Variants in DSCAML1 observed in about 807,000 individuals in gnomAD.
DSCAML1 encodes DS cell adhesion molecule like 1.
A neutral mutation model predicts 200.5 loss-of-function variants in DSCAML1; 38 were observed. That is an observed-to-expected ratio of 0.19 (90% CI 0.15 to 0.25). The LOEUF (loss-of-function observed/expected upper bound fraction) is 0.25, where lower values mean the gene tolerates loss of function less well. Among genes scored for constraint, DSCAML1 ranks in the 10% least tolerant of loss-of-function variants. DSCAML1 has a pLI of 1.00. For synonymous variants in DSCAML1, 1,215 were observed against 1,165.0 expected (o/e 1.04, Z -0.87); for missense variants, 2,223 against 2,858.8 (o/e 0.78, Z 5.07).
rs116733493 is a variant in DSCAML1 at position 117,715,596 on chromosome 11, C to T, written c.511+61195G>A. The stretch of plus-strand genomic sequence containing the variant: ...GGTGATGCCGATTTTGTCTTGTGAA[C>T]GTTTGAATCCCCTGTGCCTGGCACA... On this transcript the variant is annotated intron_variant, in intron 3 of 32. Transcript: ENST00000651296. 2.3e-3 allele frequency among the ~76,000 whole-genome samples: 345 copies of T among 152,282 alleles called. 2 individuals carry two copies. The highest frequency in any genetic ancestry group is 8.1e-3 in the African/African-American group (338 of 41,558).
Position 117,428,140 on chromosome 11 carries a change from G to A in DSCAML1, c.*188C>T, listed in dbSNP as rs2047696649. 2 of 530,732 alleles carry A rather than the reference G, an allele frequency of 3.8e-6. No homozygotes were observed. The highest frequency in any genetic ancestry group is 6.9e-5 in the East Asian group (2 of 29,128). The allele number at this position is 530,732 out of a possible 1,614,324, so 32.9% of individuals were successfully genotyped here. On this transcript the variant is annotated 3_prime_UTR_variant, in exon 33 of 33. Transcript: ENST00000651296. ...ATTCTTTGTGCCCTGGCTTCATGGA[G>A]AAGAAGAAAATAGTTTCATTTGTAC...
intron 3 of DSCAML1, among the ~76,000 whole-genome samples, chr11:117,570,036 C>T (rs774059056): frequency 1.3e-5 from 2 of 151,920 alleles, no homozygotes; most frequent in Non-Finnish European, 2.9e-5. Context: ...ACATGTTTGC[C>T]AGGCAAAGAA....
rs993183332 is a variant in DSCAML1, at chr11:117,469,178, G to A, written c.3024+732C>T. 2.6e-5 allele frequency among the ~76,000 whole-genome samples: 4 copies of A among 152,168 alleles called. No individual in the cohort carries two copies. The highest frequency in any genetic ancestry group is 1.3e-4 in the Admixed American group (2 of 15,276). On this transcript the variant is annotated intron_variant, in intron 16 of 32. Transcript: ENST00000651296. The surrounding 1 kb of genome is among the most constrained non-coding windows in gnomAD (Gnocchi z 4.1). The stretch of plus-strand genomic sequence containing the variant: ...GAAGGGGATAAAAGTGCCTTCTCTC[G>A]CTGCTCCCCAGGAATGAGGAGAGGG...
At position 117,465,156 on chromosome 11, in the gene DSCAML1, A is replaced by G. The variant is rs764866776; in HGVS notation, c.3051T>C (p.Gly1017=). 1 of 1,613,304 alleles carries G rather than the reference A, an allele frequency of 6.2e-7. No individual in the cohort carries two copies. Among genetic ancestry groups the G allele is most frequent in the East Asian group, 2.2e-5 (1 of 44,848 alleles). The change falls in exon 17 of 33, where the codon GGT becomes GGC. Residue 1017 remains glycine (G), a synonymous_variant. Transcript: ENST00000651296. The stretch of plus-strand genomic sequence containing the variant: ...AGCCAATCTGGTAGCCCCGGATGAC[A>G]CCGTTCTGCAGCTCCTTCTTGGGTG... ...WKAPKKELQN[G]VIRGYQIGYR... is the part of the protein sequence containing the mutation.
intron 8 of DSCAML1, among the ~76,000 whole-genome samples, chr11:117,507,556 A>AT (rs2049526040): frequency 6.6e-6 from 1 of 152,086 alleles, no homozygotes; most frequent in Non-Finnish European, 1.5e-5. Context: ...TTTAGGAGGG[A>AT]TGTGGCCTCT....
intron 3 of DSCAML1, among the ~76,000 whole-genome samples, chr11:117,728,317 CTAACATCATATG>C (rs1555202945): frequency 6.6e-6 from 1 of 152,148 alleles, no homozygotes; most frequent in Non-Finnish European, 1.5e-5. Context: ...AAACCTCTAG[CTAACATCATATG>C]TAATGATGAA....
At chr11:117,650,698 TGTGC>T (rs1200976692) in intron 3 of DSCAML1, among the ~76,000 whole-genome samples, 2 of 106,440 alleles carry the variant, frequency 1.9e-5, no homozygotes, top group African/African-American at 6.0e-5. Flanking sequence ...TGTGTGTGTG[TGTGC>T]GTGTGTGTGT....
chr11:117,552,277 C>T (rs2050482253), intron 3 of DSCAML1, among the ~76,000 whole-genome samples: 1 of 152,002 alleles, frequency 6.6e-6, no homozygotes, highest in Admixed American at 6.5e-5. Flanking sequence ...GGTGCCTTGA[C>T]TCTCCTGCTT....
chr11:117,605,209 A>G (rs2051541198), intron 3 of DSCAML1, among the ~76,000 whole-genome samples: 1 of 151,776 alleles, frequency 6.6e-6, no homozygotes, highest in South Asian at 2.1e-4. Context: ...CGGGTTTTAG[A>G]TCAGCACCAC....
At position 117,724,424 on chromosome 11, in the gene DSCAML1, G is replaced by A. The variant is rs114565838; in HGVS notation, c.511+52367C>T. On this transcript the variant is annotated intron_variant, in intron 3 of 32. Transcript: ENST00000651296. ...GGGCTGTGGAAGGTGAGGGTGGGAG[G>A]TAGGAGGCACCCTGCCTGGAGCTAG... 6.8e-3 allele frequency among the ~76,000 whole-genome samples: 1,040 copies of A among 152,282 alleles called. 12 individuals are homozygous for A. The highest frequency in any genetic ancestry group is 0.024 in the African/African-American group (979 of 41,554).
chr11:117,603,130 A>G (rs2051497490), intron 3 of DSCAML1, among the ~76,000 whole-genome samples: 1 of 152,158 alleles, frequency 6.6e-6, no homozygotes, highest in South Asian at 2.1e-4. Flanking sequence ...AAAAAACCCA[A>G]ACCAATCAGA....
At chr11:117,546,832 T>C (rs900412907) in intron 3 of DSCAML1, among the ~76,000 whole-genome samples, 6 of 152,160 alleles carry the variant, frequency 3.9e-5, no homozygotes, top group African/African-American at 1.4e-4. Context: ...CTCATCCTCA[T>C]ATTGCAACAA....
chr11:117,578,032 C>T (rs1488130058), intron 3 of DSCAML1, among the ~76,000 whole-genome samples: 3 of 151,502 alleles, frequency 2.0e-5, no homozygotes, highest in Non-Finnish European at 4.4e-5. Flanking sequence ...GTCAGGAGTC[C>T]GAGACCAGCC....
chr11:117,486,370 T>G (rs607673), intron 11 of DSCAML1, among the ~76,000 whole-genome samples: 78,659 of 138,626 alleles, frequency 0.57, 21,855 homozygotes, highest in African/African-American at 0.7. Flanking sequence ...TGAAAGTGGC[T>G]GATGTGAAAA....
At chr11:117,433,100 C>A (rs1255137700) in intron 29 of DSCAML1, 38 bp downstream of exon 29, 1 of 1,579,520 alleles carries the variant, frequency 6.3e-7, no homozygotes, top group South Asian at 1.1e-5. Context: ...GGGAAGCACA[C>A]CCAGCAGGAC....
chr11:117,482,272 G>T (rs950984222), intron 11 of DSCAML1, 110 bp from the exon 12 acceptor site: 53 of 1,319,126 alleles, frequency 4.0e-5, no homozygotes, highest in Non-Finnish European at 5.6e-5. Context: ...CCCAGGAGAG[G>T]CTCCAATAAA....
At chr11:117,588,479 G>T (rs951660036) in intron 3 of DSCAML1, among the ~76,000 whole-genome samples, 5 of 152,196 alleles carry the variant, frequency 3.3e-5, no homozygotes, top group Non-Finnish European at 7.3e-5. Flanking sequence ...TGTTGACAAA[G>T]TCCCCTCCCC....
chr11:117,670,913 C>T (rs1193734834), intron 3 of DSCAML1, among the ~76,000 whole-genome samples: 1 of 152,114 alleles, frequency 6.6e-6, no homozygotes, highest in Non-Finnish European at 1.5e-5. Flanking sequence ...GGGAAGGCAC[C>T]CAGAGGGCCT....
chr11:117,672,102 G>GAAAAAAAAAAAAAAAAAAAAAAAAAA (rs71037491), intron 3 of DSCAML1, among the ~76,000 whole-genome samples: 1 of 94,482 alleles, frequency 1.1e-5, no homozygotes, highest in African/African-American at 4.9e-5. Flanking sequence ...CTCCAGCTCA[G>GAAAAAAAAAAAAAAAAAAAAAAAAAA]AAAAAAAAAA....
Sources: gnomAD v4.1 joint callset for allele counts (sites outside exome capture counted in the v4.1 genomes callset) on GRCh38, gnomAD v4.1.1 for gene constraint, Gnocchi (gnomAD v3.1) non-coding constraint, MANE v1.5 for transcripts, NCBI Gene and HGNC (gene_info 2026-07-23, HGNC 2026-07-21) for gene names.